CRPPA: variants seen among roughly 807,000 people sequenced by gnomAD.
CRPPA encodes the protein D-ribitol-5-phosphate cytidylyltransferase.
In CRPPA, 43 loss-of-function variants were observed where a neutral mutation model predicts 52.0. That is an observed-to-expected ratio of 0.83 (90% CI 0.65 to 1.07). The LOEUF is 1.07. Among genes scored for constraint, CRPPA ranks in the 50% least tolerant of loss-of-function variants. CRPPA has a pLI of 0.00. For synonymous variants in CRPPA, 250 were observed against 203.5 expected (o/e 1.23, Z -1.94); for missense variants, 629 against 551.7 (o/e 1.14, Z -1.40).
intron 8 of CRPPA, among the ~76,000 whole-genome samples, chr7:16,250,889 T>C (rs566441061): frequency 1.3e-5 from 2 of 152,064 alleles, no homozygotes; most frequent in Non-Finnish European, 2.9e-5. Context: ...TAACCTTAAA[T>C]GTAAATGGAA....
At chr7:16,286,068 T>TTTAAAAAAAAAAAAAAAAAA (rs1562608533) in intron 5 of CRPPA, among the ~76,000 whole-genome samples, 1 of 24,066 alleles carries the variant, frequency 4.2e-5, no homozygotes, top group Non-Finnish European at 7.2e-5. Flanking sequence ...TATATATATA[T>TTTAAAAAAAAAAAAAAAAAA]ATATATATAT....
chr7:16,353,230 G>C (rs550667560), intron 3 of CRPPA, among the ~76,000 whole-genome samples: 1 of 152,174 alleles, frequency 6.6e-6, no homozygotes, highest in South Asian at 2.1e-4. Context: ...GGCACTGCCT[G>C]TGGTCCGAGT....
At chr7:16,246,004 GACA>G (rs918177583) in intron 8 of CRPPA, among the ~76,000 whole-genome samples, 3 of 151,790 alleles carry the variant, frequency 2.0e-5, no homozygotes, top group South Asian at 2.1e-4. Context: ...CTTAAAATAA[GACA>G]ACAACATAGT....
chr7:16,386,106 G>A (rs1310011932), intron 2 of CRPPA, among the ~76,000 whole-genome samples: 2 of 152,140 alleles, frequency 1.3e-5, no homozygotes, highest in Non-Finnish European at 2.9e-5. Flanking sequence ...TGGTGAATGT[G>A]GGGGTTTTAC....
intron 2 of CRPPA, among the ~76,000 whole-genome samples, chr7:16,393,358 A>G (rs1349028416): frequency 6.6e-6 from 1 of 152,142 alleles, no homozygotes; most frequent in Non-Finnish European, 1.5e-5. Context: ...GTTATTAGAG[A>G]GCTGTCTCAA....
At chr7:16,363,001 G>T (rs1786497680) in intron 3 of CRPPA, among the ~76,000 whole-genome samples, 1 of 151,894 alleles carries the variant, frequency 6.6e-6, no homozygotes, top group African/African-American at 2.4e-5. Context: ...TAAAAGAACA[G>T]AAGTTTCTAG....
At chr7:16,224,307 G>A (rs73681793) in intron 8 of CRPPA, among the ~76,000 whole-genome samples, 1,805 of 151,956 alleles carry the variant, frequency 0.012, 36 homozygotes, top group African/African-American at 0.042. Context: ...TTCTGAGAAC[G>A]GATACATTAA....
chr7:16,265,212 C>G (rs1412069058), intron 6 of CRPPA, among the ~76,000 whole-genome samples: 1 of 152,174 alleles, frequency 6.6e-6, no homozygotes, highest in East Asian at 1.9e-4. Context: ...CCTTCCACTT[C>G]ATGACCTGCC....
intron 3 of CRPPA, among the ~76,000 whole-genome samples, chr7:16,365,889 T>A (rs1265548248): frequency 2.0e-5 from 3 of 151,850 alleles, no homozygotes; most frequent in African/African-American, 7.3e-5. Flanking sequence ...CCCTACCACA[T>A]CAACAAGAAA....
chr7:16,172,314 G>C (rs1781206593), intron 9 of CRPPA, among the ~76,000 whole-genome samples: 1 of 152,162 alleles, frequency 6.6e-6, no homozygotes, highest in Non-Finnish European at 1.5e-5. Flanking sequence ...GTCAGCTGCT[G>C]GGGTGGGCTC....
At chr7:16,273,113 C>A (rs547634347) in intron 6 of CRPPA, among the ~76,000 whole-genome samples, 1 of 126,060 alleles carries the variant, frequency 7.9e-6, no homozygotes, top group African/African-American at 2.9e-5. Context: ...TATCCCTCCC[C>A]CCTCCCCCCA....
chr7:16,188,721 C>T (rs113466510), intron 9 of CRPPA, among the ~76,000 whole-genome samples: 26 of 152,156 alleles, frequency 1.7e-4, no homozygotes, highest in African/African-American at 6.0e-4. Context: ...TCATCAACAA[C>T]CCAACCTTTC....
At chr7:16,239,559 CAAAAAAAAAAAAA>C (rs751232682) in intron 8 of CRPPA, among the ~76,000 whole-genome samples, 1 of 47,632 alleles carries the variant, frequency 2.1e-5, no homozygotes, top group Non-Finnish European at 3.9e-5. Context: ...AAGTCAATAG[CAAAAAAAAAAAAA>C]AAAAAAAAAA....
At chr7:16,210,408 A>C (rs578018248) in intron 9 of CRPPA, 3 of 152,312 alleles carry the variant, frequency 2.0e-5, no homozygotes, top group African/African-American at 7.2e-5. Context: ...CCAGTACAGC[A>C]AAGGGGATGG....
chr7:16,247,789 T>A (rs1783320209), intron 8 of CRPPA: 1 of 152,084 alleles, frequency 6.6e-6, no homozygotes, highest in African/African-American at 2.4e-5. Flanking sequence ...AAAATAAACA[T>A]TGTACAATAT....
chr7:16,387,964 T>C (rs1354494169), intron 2 of CRPPA, among the ~76,000 whole-genome samples: 1 of 152,086 alleles, frequency 6.6e-6, no homozygotes, highest in Non-Finnish European at 1.5e-5. Flanking sequence ...AGACACAAAG[T>C]TGGAAACTAA....
chr7:16,344,485 T>G (rs1267046538), intron 3 of CRPPA, among the ~76,000 whole-genome samples: 1 of 151,110 alleles, frequency 6.6e-6, no homozygotes. Flanking sequence ...CACTTGAGCC[T>G]GGAAGTTCAA....
At chr7:16,191,978 C>T (rs1364005734) in intron 9 of CRPPA, among the ~76,000 whole-genome samples, 1 of 152,028 alleles carries the variant, frequency 6.6e-6, no homozygotes, top group Admixed American at 6.6e-5. Context: ...TAAAACAATG[C>T]CTGGCATAGT....
chr7:16,212,794 C>T (rs1286866533), intron 9 of CRPPA, among the ~76,000 whole-genome samples: 5 of 152,176 alleles, frequency 3.3e-5, no homozygotes, highest in Non-Finnish European at 7.4e-5. Context: ...ATAAAACTTA[C>T]ACTGCTTGTC....
Sources: gnomAD v4.1 joint callset for allele counts (sites outside exome capture counted in the v4.1 genomes callset) on GRCh38, gnomAD v4.1.1 for gene constraint, MANE v1.5 for transcripts, NCBI Gene and HGNC (gene_info 2026-07-23, HGNC 2026-07-21) for gene names.